KLHL29: variants seen among roughly 807,000 people sequenced by gnomAD.
The protein encoded by KLHL29 is kelch like family member 29.
In KLHL29, 21 loss-of-function variants were observed where a neutral mutation model predicts 80.4. The observed-to-expected ratio is 0.26, with a 90% CI of 0.19 to 0.38. The LOEUF is 0.38. KLHL29 is among the 10% of genes least tolerant of loss of function. The pLI, the probability that KLHL29 is intolerant of heterozygous loss-of-function variation, is 1.00. For missense variants in KLHL29, 867 were observed against 1,223.9 expected, an observed-to-expected ratio of 0.71 and a Z score of 4.35; for synonymous variants, 511 against 526.8, an observed-to-expected ratio of 0.97 and a Z score of 0.41.
intron 1 of KLHL29, among the ~76,000 whole-genome samples, chr2:23,442,629 C>T (rs1047271130): frequency 6.6e-6 from 1 of 152,194 alleles, no homozygotes; most frequent in Admixed American, 6.5e-5. Context: ...AAGTGAGACT[C>T]TTGTTAGACT....
At chr2:23,588,938 T>A (rs886148172) in intron 3 of KLHL29, among the ~76,000 whole-genome samples, 1 of 152,188 alleles carries the variant, frequency 6.6e-6, no homozygotes, top group Admixed American at 6.5e-5. Context: ...GATTGATGAT[T>A]TCAGACACCG....
chr2:23,694,383 C>G (rs932687853), intron 8 of KLHL29, among the ~76,000 whole-genome samples: 3 of 152,200 alleles, frequency 2.0e-5, no homozygotes, highest in African/African-American at 7.2e-5. Context: ...TTCCTCCTCT[C>G]GCCAGGATTA....
At chr2:23,526,718 G>C (rs1666332384) in intron 2 of KLHL29, among the ~76,000 whole-genome samples, 1 of 152,208 alleles carries the variant, frequency 6.6e-6, no homozygotes, top group Admixed American at 6.5e-5. Flanking sequence ...GGGGTGAGCT[G>C]GGGTTGGCTC....
At chr2:23,667,996 C>G (rs1036393120) in intron 5 of KLHL29, 4 of 152,290 alleles carry the variant, frequency 2.6e-5, no homozygotes, top group Non-Finnish European at 5.9e-5. Flanking sequence ...CTGGAAATGC[C>G]TAAAGCACTT....
At chr2:23,475,033 A>G (rs1231397889) in intron 1 of KLHL29, among the ~76,000 whole-genome samples, 5 of 151,744 alleles carry the variant, frequency 3.3e-5, no homozygotes, top group Non-Finnish European at 5.9e-5. Flanking sequence ...AATTCTCCCC[A>G]GGGAACCTAT....
chr2:23,580,681 A>C (rs1667959646), intron 3 of KLHL29, among the ~76,000 whole-genome samples: 1 of 68,502 alleles, frequency 1.5e-5, no homozygotes, highest in African/African-American at 3.6e-5. Flanking sequence ...TCTCATAAAA[A>C]AAATCTAGCC....
intron 3 of KLHL29, among the ~76,000 whole-genome samples, chr2:23,594,417 T>C (rs763386023): frequency 2.0e-5 from 3 of 152,006 alleles, no homozygotes; most frequent in Non-Finnish European, 4.4e-5. Context: ...TCCTCCTGGA[T>C]TGTTCTAATC....
At chr2:23,619,731 G>A (rs1056512533) in intron 3 of KLHL29, among the ~76,000 whole-genome samples, 2 of 152,176 alleles carry the variant, frequency 1.3e-5, no homozygotes, top group African/African-American at 4.8e-5. Flanking sequence ...CAGGAAAAGA[G>A]AAATGGAAGC....
In KLHL29 at chr2:23,562,208, C is replaced by T. The variant is rs1667463858; in HGVS notation, c.12C>T (p.His4=). 1 of 1,550,574 alleles carries T rather than the reference C, an allele frequency of 6.4e-7. No individual in the cohort carries two copies. Among genetic ancestry groups the T allele is most frequent in the Non-Finnish European group, 8.7e-7 (1 of 1,146,980 alleles). Residue 4 remains histidine, a synonymous_variant, in exon 3 of 14, where the codon CAC becomes CAT. Transcript: ENST00000486442. The surrounding 1 kb of genome is among the most constrained non-coding windows in gnomAD (Gnocchi z 4.5). The stretch of plus-strand genomic sequence containing the variant: ...CTCGGCCCACCGAGATGTCCCGGCA[C>T]CATAGCCGCTTCGAAAGAGATTACC... MSR[H]HSRFERDYRV... is the part of the protein sequence containing the mutation.
At position 23,472,406 on chromosome 2, in the gene KLHL29, C is replaced by T. The variant is rs956732904; in HGVS notation, c.-153-3154C>T. On this transcript the variant is annotated intron_variant, in intron 1 of 13. Coordinates refer to ENST00000486442, the MANE Select transcript of KLHL29 (RefSeq NM_052920.2). ...GTTTTAGCACTTTGGGAGGCCGAGG[C>T]GGGCGGATCACAAGGTCAGAAGATC... 1.1e-4 allele frequency among the ~76,000 whole-genome samples: 16 copies of T among 152,156 alleles called. No individual in the cohort carries two copies. In the Middle Eastern group the frequency reaches 0.01, roughly 97 times the overall value.
chr2:23,654,101 A>C (rs1670165886), intron 5 of KLHL29, among the ~76,000 whole-genome samples: 1 of 152,050 alleles, frequency 6.6e-6, no homozygotes, highest in Admixed American at 6.5e-5. Context: ...CAGGAGGTAG[A>C]GGTTGCAGTG....
chr2:23,528,907 G>A (rs1016826768), intron 2 of KLHL29, among the ~76,000 whole-genome samples: 4 of 152,214 alleles, frequency 2.6e-5, no homozygotes, highest in Non-Finnish European at 5.9e-5. Context: ...AGATAGAACC[G>A]AGTCTGCAAG....
chr2:23,505,508 T>C (rs1665572879), intron 2 of KLHL29, among the ~76,000 whole-genome samples: 1 of 152,226 alleles, frequency 6.6e-6, no homozygotes, highest in Admixed American at 6.5e-5. Flanking sequence ...TGTGGCTTCA[T>C]CCCTCTGCCT....
At chr2:23,653,994 C>G (rs1670162702) in intron 5 of KLHL29, among the ~76,000 whole-genome samples, 1 of 152,012 alleles carries the variant, frequency 6.6e-6, no homozygotes, top group Non-Finnish European at 1.5e-5. Context: ...TGGCAAAACC[C>G]CATCTCTACT....
In KLHL29 at chr2:23,562,090, C is replaced by T; in HGVS notation, c.-45-62C>T. On this transcript the variant is annotated intron_variant, in intron 2 of 13. Transcript: ENST00000486442. The surrounding 1 kb of genome is among the most constrained non-coding windows in gnomAD (Gnocchi z 4.5). ...ACCCAGAGAAGGGGCTTCATGGATG[C>T]TGTCAGTTGTCGCTGCCTGCTCCAG... The T allele has an allele frequency of 7.7e-7, 1 of 1,298,850 alleles. No homozygotes were observed. The highest frequency in any genetic ancestry group is 1.1e-6 in the Non-Finnish European group (1 of 939,978). The allele number at this position is 1,298,850 out of a possible 1,614,324, so 80.5% of individuals were successfully genotyped here.
At chr2:23,615,485 G>A (rs1668980342) in intron 3 of KLHL29, among the ~76,000 whole-genome samples, 4 of 152,178 alleles carry the variant, frequency 2.6e-5, no homozygotes, top group Admixed American at 2.6e-4. Context: ...AGGGAGCTCT[G>A]AGTCAGCCTG....
chr2:23,612,148 C>G (rs1323874844), intron 3 of KLHL29, among the ~76,000 whole-genome samples: 1 of 152,118 alleles, frequency 6.6e-6, no homozygotes, highest in East Asian at 1.9e-4. Context: ...AAACACTTTA[C>G]AAGCAGGATA....
chr2:23,649,039 G>A (rs548420562), intron 5 of KLHL29, among the ~76,000 whole-genome samples: 14 of 152,324 alleles, frequency 9.2e-5, no homozygotes, highest in Admixed American at 2.0e-4. Flanking sequence ...AATAATATTA[G>A]CTGTTGTTAT....
At chr2:23,449,093 G>A (rs1209606662) in intron 1 of KLHL29, among the ~76,000 whole-genome samples, 2 of 152,116 alleles carry the variant, frequency 1.3e-5, no homozygotes, top group Non-Finnish European at 2.9e-5. Context: ...TGTGTTCCCA[G>A]CATCTAAGCT....
Sources: gnomAD v4.1 joint callset for allele counts (sites outside exome capture counted in the v4.1 genomes callset) on GRCh38, gnomAD v4.1.1 for gene constraint, Gnocchi (gnomAD v3.1) non-coding constraint, MANE v1.5 for transcripts, NCBI Gene and HGNC (gene_info 2026-07-23, HGNC 2026-07-21) for gene names.